The following CNTNAP2 variants were observed in gnomAD, a reference collection of about 807,000 sequenced individuals.
The protein encoded by CNTNAP2 is contactin associated protein 2.
Under a neutral mutation model 155.2 loss-of-function variants are expected in CNTNAP2, and 98 were observed. That is an observed-to-expected ratio of 0.63 (90% CI 0.54 to 0.75). CNTNAP2 has a LOEUF of 0.75. Among genes scored for constraint, CNTNAP2 ranks in the 30% least tolerant of loss-of-function variants. The probability of loss-of-function intolerance (pLI) is 0.00; values close to 1 mark genes in which losing one functional copy is unlikely to be tolerated. For synonymous variants in CNTNAP2, 651 were observed against 631.2 expected (o/e 1.03, Z -0.47); for missense variants, 1,727 against 1,688.1 (o/e 1.02, Z -0.40).
At chr7:148,181,869 T>G (rs1795044821) in intron 18 of CNTNAP2, among the ~76,000 whole-genome samples, 1 of 146,806 alleles carries the variant, frequency 6.8e-6, no homozygotes, top group Non-Finnish European at 1.5e-5. Context: ...GCCATTCTCC[T>G]GCCTCAGCCT....
chr7:146,828,195 C>T (rs1803443722), intron 2 of CNTNAP2, among the ~76,000 whole-genome samples: 2 of 151,846 alleles, frequency 1.3e-5, no homozygotes, highest in South Asian at 4.2e-4. Context: ...AAGGAAATGA[C>T]CAGACTCATT....
chr7:147,922,422 C>T (rs1408256964), intron 14 of CNTNAP2, among the ~76,000 whole-genome samples: 1 of 152,216 alleles, frequency 6.6e-6, no homozygotes, highest in Admixed American at 6.5e-5. Flanking sequence ...AGGCTTCACT[C>T]CCCCTCCTTT....
chr7:147,459,024 A>G (rs1476829961), intron 10 of CNTNAP2, among the ~76,000 whole-genome samples: 1 of 152,048 alleles, frequency 6.6e-6, no homozygotes, highest in Non-Finnish European at 1.5e-5. Context: ...TCTCCAGAAT[A>G]TTACTCTAAA....
At chr7:147,348,754 C>T (rs917019140) in intron 9 of CNTNAP2, among the ~76,000 whole-genome samples, 3 of 152,014 alleles carry the variant, frequency 2.0e-5, no homozygotes, top group Admixed American at 6.6e-5. Context: ...AGGTATCCAA[C>T]AACAGATGAA....
At chr7:147,193,609 A>C (rs1486087136) in intron 8 of CNTNAP2, among the ~76,000 whole-genome samples, 1 of 152,174 alleles carries the variant, frequency 6.6e-6, no homozygotes, top group Non-Finnish European at 1.5e-5. Context: ...TGAGGTACAT[A>C]ACCTGGGATG....
chr7:146,192,572 T>G (rs952062636), intron 1 of CNTNAP2, among the ~76,000 whole-genome samples: 1 of 152,094 alleles, frequency 6.6e-6, no homozygotes, highest in Non-Finnish European at 1.5e-5. Context: ...ATGCGACATA[T>G]TCACTATCAT....
At chr7:146,134,958 A>G (rs903003815) in intron 1 of CNTNAP2, among the ~76,000 whole-genome samples, 2 of 150,886 alleles carry the variant, frequency 1.3e-5, no homozygotes, top group East Asian at 2.0e-4. Context: ...CTCTTTTTCT[A>G]TTGATTGGAA....
intron 13 of CNTNAP2, among the ~76,000 whole-genome samples, chr7:147,710,136 A>C (rs1296509729): frequency 6.6e-6 from 1 of 152,164 alleles, no homozygotes; most frequent in African/African-American, 2.4e-5. Context: ...AATTTTAAAT[A>C]GAATTTGTGA....
At chr7:147,434,575 T>C (rs1183120839) in intron 10 of CNTNAP2, among the ~76,000 whole-genome samples, 1 of 152,232 alleles carries the variant, frequency 6.6e-6, no homozygotes, top group African/African-American at 2.4e-5. Context: ...TAATTGTATA[T>C]GGACTTTAAA....
intron 1 of CNTNAP2, among the ~76,000 whole-genome samples, chr7:146,745,074 T>G (rs938191400): frequency 3.3e-5 from 5 of 152,204 alleles, no homozygotes; most frequent in African/African-American, 9.7e-5. Flanking sequence ...GCAGAGTAAC[T>G]GAGGATAATT....
intron 21 of CNTNAP2, among the ~76,000 whole-genome samples, chr7:148,283,013 T>A (rs561621629): frequency 6.6e-6 from 1 of 151,748 alleles, no homozygotes; most frequent in Admixed American, 6.6e-5. Flanking sequence ...GGCAGGTGGA[T>A]CACCTGAGGT....
intron 8 of CNTNAP2, among the ~76,000 whole-genome samples, chr7:147,221,445 G>A (rs1309319443): frequency 6.6e-6 from 1 of 152,010 alleles, no homozygotes; most frequent in Non-Finnish European, 1.5e-5. Flanking sequence ...GTGATGCTGG[G>A]CTGCAGCTGA....
chr7:147,514,751 C>T (rs561340503), intron 11 of CNTNAP2, among the ~76,000 whole-genome samples: 1 of 152,280 alleles, frequency 6.6e-6, no homozygotes, highest in East Asian at 1.9e-4. Context: ...CAAAACCCAT[C>T]CTGGCTGCCT....
intron 1 of CNTNAP2, among the ~76,000 whole-genome samples, chr7:146,123,768 C>T (rs576689129): frequency 2.6e-5 from 4 of 151,926 alleles, no homozygotes; most frequent in African/African-American, 9.7e-5. Context: ...CATGATATGC[C>T]AAATAAAATA....
At chr7:147,514,075 A>C (rs1799070815) in intron 11 of CNTNAP2, among the ~76,000 whole-genome samples, 1 of 152,206 alleles carries the variant, frequency 6.6e-6, no homozygotes, top group South Asian at 2.1e-4. Context: ...TGTAAGAAAA[A>C]TAACACATAT....
intron 11 of CNTNAP2, among the ~76,000 whole-genome samples, chr7:147,519,323 G>A (rs763169968): frequency 6.6e-6 from 1 of 152,092 alleles, no homozygotes; most frequent in Non-Finnish European, 1.5e-5. Flanking sequence ...ACATCGCATT[G>A]CTCTGGCACT....
chr7:146,300,216 TAAG>T (rs1800582968), intron 1 of CNTNAP2, among the ~76,000 whole-genome samples: 1 of 152,156 alleles, frequency 6.6e-6, no homozygotes, highest in Admixed American at 6.5e-5. Flanking sequence ...TATAAAATAA[TAAG>T]AATGCTATCA....
At chr7:148,047,601 C>T (rs190303088) in intron 15 of CNTNAP2, among the ~76,000 whole-genome samples, 3 of 152,234 alleles carry the variant, frequency 2.0e-5, no homozygotes, top group African/African-American at 7.2e-5. Flanking sequence ...GTGAAAAAGA[C>T]ATTTGTTTGC....
intron 1 of CNTNAP2, among the ~76,000 whole-genome samples, chr7:146,156,410 C>T (rs1798127033): frequency 6.6e-6 from 1 of 152,096 alleles, no homozygotes. Context: ...TGGTGATATA[C>T]ATGTGATGAG....
Sources: allele counts gnomAD v4.1 joint callset (sites outside exome capture counted in the v4.1 genomes callset), GRCh38; gene constraint gnomAD v4.1.1; transcripts MANE v1.5; gene names NCBI Gene and HGNC (gene_info 2026-07-23, HGNC 2026-07-21).